ACVRL1: variants seen among roughly 807,000 people sequenced by gnomAD.
The protein encoded by ACVRL1 is activin receptor type-1-like.
A neutral mutation model predicts 51.9 loss-of-function variants in ACVRL1; 20 were observed. The observed-to-expected ratio is 0.39, with a 90% CI of 0.27 to 0.56. The LOEUF (loss-of-function observed/expected upper bound fraction) is 0.56. Among genes scored for constraint, ACVRL1 ranks in the 20% least tolerant of loss-of-function variants. The pLI is 0.67. For missense variants in ACVRL1, 451 were observed against 670.3 expected, an observed-to-expected ratio of 0.67 and a Z score of 3.61; for synonymous variants, 288 against 280.9, an observed-to-expected ratio of 1.03 and a Z score of -0.25.
At chr12:51,913,065 AC>A in intron 2 of ACVRL1, 33 bp from the exon 3 acceptor site, 1 of 1,592,878 alleles carries the variant, frequency 6.3e-7, no homozygotes, top group Non-Finnish European at 8.5e-7. Flanking sequence ...GGGAGCTGGG[AC>A]CACAGTGGCT....
intron 9 of ACVRL1, among the ~76,000 whole-genome samples, chr12:51,920,268 C>CTGA (rs1375580979): frequency 1.1e-4 from 16 of 152,332 alleles, no homozygotes; most frequent in African/African-American, 3.8e-4. Flanking sequence ...GATGGAGGGG[C>CTGA]TGGAAGACAC....
intron 1 of ACVRL1, among the ~76,000 whole-genome samples, chr12:51,911,335 C>G (rs1940683883): frequency 6.6e-6 from 1 of 152,214 alleles, no homozygotes; most frequent in African/African-American, 2.4e-5. Context: ...CAACAAACTT[C>G]TGGAAAAGTT....
rs1165774651 is a variant in ACVRL1 at position 51,923,231 on chromosome 12, TTCTG to T, written c.*2343_*2346del. 1 of 152,252 alleles carries T rather than the reference TTCTG, an allele frequency of 6.6e-6. No homozygotes were observed. The highest frequency in any genetic ancestry group is 1.5e-5 in the Non-Finnish European group (1 of 68,086). The allele number at this position is 152,252 out of a possible 1,614,324, so 9.4% of individuals were successfully genotyped here. ...GTTGCTGAGAGCAGTCTGCACATGC[TTCTG>T]TCTGAGTGCAGGAAGGTGTTCCAGG... is the stretch of plus-strand genomic sequence containing the variant. On this transcript the variant is annotated 3_prime_UTR_variant, in exon 10 of 10. Coordinates refer to ENST00000388922, the MANE Select transcript of ACVRL1 (RefSeq NM_000020.3).
intron 9 of ACVRL1, chr12:51,919,387 G>GTA: frequency 2.0e-6 from 1 of 495,438 alleles, no homozygotes; most frequent in Admixed American, 3.2e-5. Context: ...GTGTGTGTGT[G>GTA]TGTGTGTGTG....
rs970566617 is a variant in ACVRL1 at position 51,921,049 on chromosome 12, A to G, written c.*156A>G. 1.1e-6 allele frequency: 1 copy of G among 916,404 alleles called. No homozygotes were observed. Among genetic ancestry groups the G allele is most frequent in the African/African-American group, 1.6e-5 (1 of 60,844 alleles). The allele number at this position is 916,404 out of a possible 1,614,324, so 56.8% of individuals were successfully genotyped here. A position where few individuals can be genotyped will look rare whatever the true frequency, so the allele number is the denominator to read the frequency against. The stretch of plus-strand genomic sequence containing the variant: ...CGGCCCCCAGCCCACCCAGCCAAAA[A>G]TACAGCTGGGCTGAAACCTGATCCC... On this transcript the variant is annotated 3_prime_UTR_variant, in exon 10 of 10. Transcript: ENST00000388922.
At chr12:51,915,763 A>G (rs554251597) in intron 7 of ACVRL1, 346 of 647,130 alleles carry the variant, frequency 5.3e-4, no homozygotes, top group Non-Finnish European at 9.4e-5. Context: ...TGGTTTCGCC[A>G]GCCTCCAGGT....
intron 5 of ACVRL1, 111 bp downstream of exon 5, chr12:51,914,184 A>G (rs1206673004): frequency 1.1e-6 from 1 of 948,822 alleles, no homozygotes. Context: ...CTGGGTCAGA[A>G]TTGGAATTCT....
chr12:51,910,186 G>A (rs911283209), intron 1 of ACVRL1, among the ~76,000 whole-genome samples: 2 of 152,124 alleles, frequency 1.3e-5, no homozygotes, highest in South Asian at 4.1e-4. Flanking sequence ...AGACAGCCTC[G>A]CTCCACAGTG....
At chr12:51,912,256 C>T (rs1412281957) in intron 1 of ACVRL1, 6 of 640,028 alleles carry the variant, frequency 9.4e-6, no homozygotes, top group Non-Finnish European at 1.7e-5. Flanking sequence ...TGCTCTCCAC[C>T]CTTCACCTCT....
intron 4 of ACVRL1, 80 bp downstream of exon 4, chr12:51,913,850 T>C: frequency 6.3e-7 from 1 of 1,582,032 alleles, no homozygotes; most frequent in Non-Finnish European, 8.6e-7. Flanking sequence ...ACCCAGAGAT[T>C]AGAGCCGGTG....
chr12:51,916,259 G>A, intron 8 of ACVRL1, 26 bp downstream of exon 8: 1 of 1,609,994 alleles, frequency 6.2e-7, no homozygotes, highest in Non-Finnish European at 8.5e-7. Context: ...ACACAGGGTA[G>A]GGAAAGGGGA....
chr12:51,917,696 G>A lies in ACVRL1; in HGVS notation c.1247-1289G>A, dbSNP rs889579088. Among the ~76,000 whole-genome samples the A allele has an allele frequency of 2.6e-5, 4 of 152,106 alleles. No individual in the cohort carries two copies. Among genetic ancestry groups the A allele is most frequent in the Non-Finnish European group, 4.4e-5 (3 of 68,020 alleles). On this transcript the variant is annotated intron_variant, in intron 8 of 9. Transcript: ENST00000388922. The surrounding 1 kb of genome is among the most constrained non-coding windows in gnomAD (Gnocchi z 4.2). Reference sequence around the variant, plus strand: ...TCACCGGTCCCTTGGGGAGACTCACGAGGTGCTTAGATTCCTCAAGACTCC... The same window carrying A: ...TCACCGGTCCCTTGGGGAGACTCACAAGGTGCTTAGATTCCTCAAGACTCC...
Position 51,921,253 on chromosome 12 carries a change from C to T in ACVRL1, c.*360C>T. On this transcript the variant is annotated 3_prime_UTR_variant, in exon 10 of 10. Transcript: ENST00000388922. ...ACTCAGAGCCCGGGCCTGCACTTTG[C>T]CCCCTGCCCTTGATCAACCCCACTG... The T allele has an allele frequency of 2.8e-6, 1 of 354,660 alleles. No homozygotes were observed. The highest frequency in any genetic ancestry group is 2.3e-5 in the South Asian group (1 of 44,168). The allele number at this position is 354,660 out of a possible 1,614,324, so 22.0% of individuals were successfully genotyped here.
At position 51,920,391 on chromosome 12, in the gene ACVRL1, T is replaced by C. The variant is rs1940945149; in HGVS notation, c.1378-368T>C. On this transcript the variant is annotated intron_variant, in intron 9 of 9. Coordinates refer to ENST00000388922, the MANE Select transcript of ACVRL1 (RefSeq NM_000020.3). ...AAAGGTGGGGATGGGGGTAAGGTGT[T>C]TCACAGACACTGCTTGCCCAAGGGG... 6.6e-6 allele frequency among the ~76,000 whole-genome samples: 1 copy of C among 152,144 alleles called. No individual in the cohort carries two copies. Among genetic ancestry groups the C allele is most frequent in the African/African-American group, 2.4e-5 (1 of 41,414 alleles).
At position 51,922,510 on chromosome 12, in the gene ACVRL1, G is replaced by A. The variant is rs576035072; in HGVS notation, c.*1617G>A. 1 of 152,366 alleles carries A rather than the reference G, an allele frequency of 6.6e-6. No individual in the cohort carries two copies. The highest frequency in any genetic ancestry group is 1.9e-4 in the East Asian group (1 of 5,190). The allele number at this position is 152,366 out of a possible 1,614,324, so 9.4% of individuals were successfully genotyped here. A position where few individuals can be genotyped will look rare whatever the true frequency, so the allele number is the denominator to read the frequency against. On this transcript the variant is annotated 3_prime_UTR_variant, in exon 10 of 10. Transcript: ENST00000388922. The stretch of plus-strand genomic sequence containing the variant: ...CAGGCCCAGAGAGTGTGTCTCAGGA[G>A]AATTCAATGGCTCTAGAGAGACACA...
chr12:51,922,127 A>C lies in ACVRL1; in HGVS notation c.*1234A>C, dbSNP rs1009201588. 6.6e-6 allele frequency: 1 copy of C among 152,186 alleles called. No homozygotes were observed. Among genetic ancestry groups the C allele is most frequent in the Admixed American group, 6.5e-5 (1 of 15,278 alleles). The allele number at this position is 152,186 out of a possible 1,614,324, so 9.4% of individuals were successfully genotyped here. ...GTTCTCTGACACTTCAGCCTATATC[A>C]CAGCTAACTTCTTCAGTCTCATCTA... On this transcript the variant is annotated 3_prime_UTR_variant, in exon 10 of 10. Coordinates refer to ENST00000388922, the MANE Select transcript of ACVRL1 (RefSeq NM_000020.3).
At chr12:51,919,231 G>A (rs1457268327) in intron 9 of ACVRL1, 116 bp downstream of exon 9, 2 of 1,488,404 alleles carry the variant, frequency 1.3e-6, no homozygotes, top group Non-Finnish European at 1.8e-6. Context: ...TGAGTGTCCT[G>A]GTTAGGGCAC....
At chr12:51,911,496 C>G (rs935683397) in intron 1 of ACVRL1, among the ~76,000 whole-genome samples, 2 of 152,168 alleles carry the variant, frequency 1.3e-5, no homozygotes, top group African/African-American at 4.8e-5. Context: ...AGCTTATACT[C>G]TGGTGAGCTT....
chr12:51,916,639 A>G (rs1940846663), intron 8 of ACVRL1, among the ~76,000 whole-genome samples: 1 of 152,242 alleles, frequency 6.6e-6, no homozygotes, highest in South Asian at 2.1e-4. Flanking sequence ...TGATCTTGCC[A>G]TGACCGTGCG....
Sources: allele counts gnomAD v4.1 joint callset (sites outside exome capture counted in the v4.1 genomes callset), GRCh38; gene constraint gnomAD v4.1.1; non-coding constraint Gnocchi (gnomAD v3.1); transcripts MANE v1.5; gene names NCBI Gene and HGNC (gene_info 2026-07-23, HGNC 2026-07-21).